CLVS1: variants seen among roughly 807,000 people sequenced by gnomAD.
CLVS1 encodes clavesin-1.
CLVS1 carries 10 observed loss-of-function variants against 33.1 expected under a neutral mutation model. The observed-to-expected ratio is 0.30, with a 90% CI of 0.19 to 0.51. CLVS1 has a LOEUF of 0.51. CLVS1 is among the 20% of genes least tolerant of loss of function. CLVS1 has a pLI of 0.97. For missense variants in CLVS1, 343 were observed against 433.4 expected (o/e 0.79, Z 1.85); for synonymous variants, 163 against 166.1 (o/e 0.98, Z 0.14).
the CLVS1 span, among the ~76,000 whole-genome samples, chr8:61,050,779 C>T: frequency 5.1e-3 from 775 of 152,354 alleles, 8 homozygotes; most frequent in African/African-American, 0.017. Context: ...CCTTTGGCAC[C>T]TGTCTGTGGC....
chr8:61,272,121 G>A (rs1809453429), intron 2 of CLVS1, among the ~76,000 whole-genome samples: 1 of 151,574 alleles, frequency 6.6e-6, no homozygotes, highest in South Asian at 2.1e-4. Context: ...TGATTTTGCA[G>A]CGGCTGGTAC....
chr8:61,357,489 CTTTTCTTTTTTTT>C lies in CLVS1; in HGVS notation c.456-19111_456-19099del, dbSNP rs1164181374. On this transcript the variant is annotated intron_variant, in intron 2 of 5. Coordinates refer to ENST00000325897, the MANE Select transcript of CLVS1 (RefSeq NM_173519.3). ...TTTTCCTTCTTTTTCTTTCCTTTTT[CTTTTCTTTTTTTT>C]TTTTTTTTTTTTTTTTTTTTGAGAT... is the stretch of plus-strand genomic sequence containing the variant. Among the ~76,000 whole-genome samples the C allele has an allele frequency of 1.0e-3, 31 of 30,266 alleles. 2 individuals carry two copies. The East Asian group carries it at 0.016, about 16-fold the overall frequency. 19.9% of individuals were successfully genotyped at this position (30,266 alleles called of 152,430 possible). A position where few individuals can be genotyped will look rare whatever the true frequency, so the allele number is the denominator to read the frequency against.
intron 2 of CLVS1, among the ~76,000 whole-genome samples, chr8:61,338,027 T>C (rs1427477671): frequency 6.6e-6 from 1 of 152,206 alleles, no homozygotes; most frequent in Non-Finnish European, 1.5e-5. Context: ...ACCTGCAGAA[T>C]ACCTTGAGAC....
intron 5 of CLVS1, among the ~76,000 whole-genome samples, chr8:61,484,421 C>T (rs1803792435): frequency 6.6e-6 from 1 of 152,224 alleles, no homozygotes; most frequent in Non-Finnish European, 1.5e-5. Flanking sequence ...GAACTACAAA[C>T]CACTGCTCAA....
intron 3 of CLVS1, among the ~76,000 whole-genome samples, chr8:61,424,332 C>T (rs1453439819): frequency 6.6e-6 from 1 of 152,218 alleles, no homozygotes; most frequent in East Asian, 1.9e-4. Context: ...GGCTACTCTT[C>T]AGCACACAGC....
At chr8:61,384,154 G>A (rs1162748843) in intron 3 of CLVS1, among the ~76,000 whole-genome samples, 2 of 152,312 alleles carry the variant, frequency 1.3e-5, no homozygotes, top group Non-Finnish European at 1.5e-5. Flanking sequence ...GACAAAGACA[G>A]AGACACAGCT....
At chr8:61,385,184 T>C (rs921835358) in intron 3 of CLVS1, among the ~76,000 whole-genome samples, 36 of 152,154 alleles carry the variant, frequency 2.4e-4, no homozygotes, top group African/African-American at 8.7e-4. Context: ...GGTCTTCAAA[T>C]AGCTGGGGGA....
the CLVS1 span, among the ~76,000 whole-genome samples, chr8:61,018,068 C>T: frequency 2.3e-4 from 35 of 152,310 alleles, no homozygotes; most frequent in African/African-American, 8.4e-4. Flanking sequence ...TGGTTATTGA[C>T]TGTGAGTCAG....
chr8:61,172,505 A>G (rs1807023114), intron 2 of CLVS1, among the ~76,000 whole-genome samples: 1 of 152,206 alleles, frequency 6.6e-6, no homozygotes, highest in Non-Finnish European at 1.5e-5. Context: ...TTAAAAGTAG[A>G]AAAAATAAAA....
intron 3 of CLVS1, among the ~76,000 whole-genome samples, chr8:61,447,692 A>G (rs1371049085): frequency 6.6e-6 from 1 of 152,030 alleles, no homozygotes; most frequent in Non-Finnish European, 1.5e-5. Context: ...ATTGTCTTAA[A>G]TATTTCCTCC....
At chr8:61,415,106 C>T (rs773091696) in intron 3 of CLVS1, among the ~76,000 whole-genome samples, 5 of 152,358 alleles carry the variant, frequency 3.3e-5, no homozygotes, top group African/African-American at 9.6e-5. Flanking sequence ...TAATTATGCT[C>T]GCTGGCTCTT....
At chr8:61,415,871 A>G (rs1489860793) in intron 3 of CLVS1, among the ~76,000 whole-genome samples, 1 of 152,162 alleles carries the variant, frequency 6.6e-6, no homozygotes, top group South Asian at 2.1e-4. Context: ...ATCTCCATTG[A>G]TTTTTATCCA....
chr8:61,408,427 C>G (rs764435268), intron 3 of CLVS1, among the ~76,000 whole-genome samples: 2 of 152,186 alleles, frequency 1.3e-5, no homozygotes, highest in African/African-American at 2.4e-5. Flanking sequence ...TCTCCTTCCC[C>G]TAGCTGCCCA....
At chr8:61,297,851 A>T (rs1810274314) in intron 1 of CLVS1, among the ~76,000 whole-genome samples, 1 of 152,144 alleles carries the variant, frequency 6.6e-6, no homozygotes, top group African/African-American at 2.4e-5. Flanking sequence ...TCTAAGAAGG[A>T]TGATGTAATC....
the CLVS1 span, among the ~76,000 whole-genome samples, chr8:61,046,973 C>T: frequency 6.6e-6 from 1 of 152,084 alleles, no homozygotes; most frequent in African/African-American, 2.4e-5. Context: ...TAATTGAATA[C>T]CCTTTATTTC....
At chr8:61,321,217 G>A (rs1016785281) in intron 2 of CLVS1, among the ~76,000 whole-genome samples, 4 of 152,096 alleles carry the variant, frequency 2.6e-5, no homozygotes, top group African/African-American at 9.7e-5. Context: ...TGCTTCAGTA[G>A]CTGAGGACCT....
At chr8:61,360,290 C>T (rs923044674) in intron 2 of CLVS1, among the ~76,000 whole-genome samples, 2 of 152,048 alleles carry the variant, frequency 1.3e-5, no homozygotes, top group East Asian at 3.9e-4. Context: ...AAAACTAAAG[C>T]AGGGTTTTAT....
chr8:61,424,233 G>A (rs921553725), intron 3 of CLVS1, among the ~76,000 whole-genome samples: 3 of 152,286 alleles, frequency 2.0e-5, no homozygotes, highest in African/African-American at 7.2e-5. Context: ...TGAATGCTTG[G>A]ATTTCACAAA....
chr8:61,493,995 G>T (rs1804187022), intron 5 of CLVS1, among the ~76,000 whole-genome samples: 1 of 152,128 alleles, frequency 6.6e-6, no homozygotes, highest in Non-Finnish European at 1.5e-5. Context: ...GCAATGCAGG[G>T]CATTAGTAAG....
Sources: allele counts gnomAD v4.1 joint callset (sites outside exome capture counted in the v4.1 genomes callset), GRCh38; gene constraint gnomAD v4.1.1; transcripts MANE v1.5; gene names NCBI Gene and HGNC (gene_info 2026-07-23, HGNC 2026-07-21).